DENND2C: variants seen among roughly 807,000 people sequenced by gnomAD.
The protein encoded by DENND2C is DENN domain containing 2C, also known as DENN domain-containing protein 2C.
DENND2C carries 72 observed loss-of-function variants against 112.4 expected under a neutral mutation model. The observed-to-expected ratio is 0.64, with a 90% CI of 0.53 to 0.78. The LOEUF (loss-of-function observed/expected upper bound fraction) is 0.78, where lower values mean the gene tolerates loss of function less well. Among genes scored for constraint, DENND2C ranks in the 30% least tolerant of loss-of-function variants. The pLI, the probability that DENND2C is intolerant of heterozygous loss-of-function variation, is 0.00. For synonymous variants in DENND2C, 329 were observed against 381.6 expected, an observed-to-expected ratio of 0.86 and a Z score of 1.61; for missense variants, 992 against 1,113.8, an observed-to-expected ratio of 0.89 and a Z score of 1.56.
Position 114,623,601 on chromosome 1 carries a change from C to A in DENND2C, c.849G>T (p.Arg283=). The part of the protein sequence containing the change: ...EFEDIQHFRN[R]NSQTIREELG... ...GTTCTTCACGAATCGTCTGTGAGTT[C>A]CGATTTCGAAAGTGCTGAATATCCT... Residue 283 remains arginine (R), a synonymous_variant, in exon 5 of 21, where the codon CGG becomes CGT. Coordinates refer to ENST00000393274, the MANE Select transcript of DENND2C (RefSeq NM_001256404.2). 1 of 1,606,752 alleles carries A rather than the reference C, an allele frequency of 6.2e-7. No homozygotes were observed. The highest frequency in any genetic ancestry group is 8.5e-7 in the Non-Finnish European group (1 of 1,176,548).
Position 114,623,519 on chromosome 1 carries a change from CATAG to C in DENND2C, c.927_930del (p.Ile309MetfsTer58). 2 of 1,604,466 alleles carry C rather than the reference CATAG, an allele frequency of 1.2e-6. No individual in the cohort carries two copies. The highest frequency in any genetic ancestry group is 2.3e-5 in the East Asian group (1 of 44,304). ...TGTCAACACCTACATATGATATCTT[CATAG>C]ATATTGTCCTCAGACTGTGTGTAAT... On this transcript the variant is annotated frameshift_variant, in exon 5 of 21. Transcript: ENST00000393274. LOFTEE classifies it high-confidence loss of function.
intron 8 of DENND2C, among the ~76,000 whole-genome samples, chr1:114,616,159 GCAGGTGGATCATTTGAGGT>G (rs1655964636): frequency 6.6e-6 from 1 of 151,946 alleles, no homozygotes. Context: ...GGAGGCCCAG[GCAGGTGGATCATTTGAGGT>G]CAGGAGTTCA....
intron 1 of DENND2C, among the ~76,000 whole-genome samples, chr1:114,655,154 A>G (rs528866755): frequency 6.6e-6 from 1 of 152,308 alleles, no homozygotes; most frequent in African/African-American, 2.4e-5. Context: ...ACAAGCAGGT[A>G]TTATTATCCT....
rs116527596 is a variant in DENND2C at position 114,602,012 on chromosome 1, C to T, written c.1737+113G>A. ...TAAAGCTAATACAGCTTCCTTAATA[C>T]ACAGATCATTGAGCATCCCTCAAAC... On this transcript the variant is annotated intron_variant, in intron 12 of 20. Transcript: ENST00000393274. 371 of 1,015,024 alleles carry T rather than the reference C, an allele frequency of 3.7e-4. 1 individual carries two copies. The African/African-American group carries it at 5.4e-3, about 15-fold the overall frequency. The allele number at this position is 1,015,024 out of a possible 1,614,324, so 62.9% of individuals were successfully genotyped here.
At chr1:114,651,308 C>CACACACACA (rs1553237779) in intron 2 of DENND2C, among the ~76,000 whole-genome samples, 2 of 150,864 alleles carry the variant, frequency 1.3e-5, no homozygotes, top group African/African-American at 2.4e-5. Flanking sequence ...CACACACACG[C>CACACACACA]CAAGTATGAA....
At chr1:114,650,508 CAAA>C (rs749266801) in intron 2 of DENND2C, among the ~76,000 whole-genome samples, 1 of 122,074 alleles carries the variant, frequency 8.2e-6, no homozygotes, top group Admixed American at 8.5e-5. Context: ...ACTAAAAATA[CAAA>C]AAAAAAAAAA....
chr1:114,617,992 T>A (rs1477344253), intron 8 of DENND2C, among the ~76,000 whole-genome samples: 1 of 48,402 alleles, frequency 2.1e-5, no homozygotes, highest in African/African-American at 8.9e-5. Flanking sequence ...TAAACCAAAT[T>A]TTTTTTTTTT....
At chr1:114,609,016 C>T in intron 9 of DENND2C, 143 bp from the exon 10 acceptor site, 1 of 916,964 alleles carries the variant, frequency 1.1e-6, no homozygotes, top group Non-Finnish European at 1.7e-6. Flanking sequence ...GCCACATAGA[C>T]ATACCTGTTA....
chr1:114,587,633 T>C, intron 19 of DENND2C, 83 bp downstream of exon 19: 1 of 1,441,754 alleles, frequency 6.9e-7, no homozygotes, highest in Non-Finnish European at 9.5e-7. Context: ...CTTGTCGCTT[T>C]ACAATACTTT....
At chr1:114,638,504 AT>A (rs1161192912) in intron 3 of DENND2C, among the ~76,000 whole-genome samples, 1 of 152,170 alleles carries the variant, frequency 6.6e-6, no homozygotes, top group Non-Finnish European at 1.5e-5. Context: ...CACACCTGTA[AT>A]CCCAGCACTT....
chr1:114,632,989 TA>T (rs766596646), intron 3 of DENND2C, among the ~76,000 whole-genome samples: 13 of 152,192 alleles, frequency 8.5e-5, no homozygotes, highest in South Asian at 8.3e-4. Context: ...ATACAAGGCA[TA>T]TTTTTTTATT....
intron 2 of DENND2C, among the ~76,000 whole-genome samples, chr1:114,651,541 C>T (rs1657166438): frequency 6.6e-6 from 1 of 152,068 alleles, no homozygotes; most frequent in Admixed American, 6.6e-5. Flanking sequence ...GAGTTCGAGA[C>T]CAGCCTGGCC....
chr1:114,593,437 T>A (rs1451621810), intron 18 of DENND2C, among the ~76,000 whole-genome samples: 1 of 152,222 alleles, frequency 6.6e-6, no homozygotes, highest in Non-Finnish European at 1.5e-5. Flanking sequence ...AAACTTCTAA[T>A]AGGTATCTCA....
At chr1:114,586,116 C>T (rs1369882093) in intron 20 of DENND2C, among the ~76,000 whole-genome samples, 6 of 152,134 alleles carry the variant, frequency 3.9e-5, no homozygotes, top group Non-Finnish European at 5.9e-5. Context: ...ATATAAATAT[C>T]GTAGCATATA....
In DENND2C at chr1:114,583,082, T is replaced by C. The variant is rs1373057910; in HGVS notation, c.*2518A>G. The C allele has an allele frequency of 4.6e-5, 7 of 152,184 alleles. No individual in the cohort carries two copies. 9.4% of individuals were successfully genotyped at this position (152,184 alleles called of 1,614,324 possible). A position where few individuals can be genotyped will look rare whatever the true frequency, so the allele number is the denominator to read the frequency against. On this transcript the variant is annotated 3_prime_UTR_variant, in exon 21 of 21. Coordinates refer to ENST00000393274, the MANE Select transcript of DENND2C (RefSeq NM_001256404.2). ...ACAGTAAACCCTTTTACCCCCATTTTATAAACATCCAATTATTAACTGTTC... is the reference window on the plus strand; with the variant it reads ...ACAGTAAACCCTTTTACCCCCATTTCATAAACATCCAATTATTAACTGTTC...
intron 20 of DENND2C, among the ~76,000 whole-genome samples, chr1:114,586,376 T>C (rs1655037065): frequency 6.6e-6 from 1 of 152,188 alleles, no homozygotes; most frequent in Non-Finnish European, 1.5e-5. Flanking sequence ...AAATACATTT[T>C]TCTGGGAAAA....
At chr1:114,604,002 GAATAAACATATATAA>G (rs1655589818) in intron 11 of DENND2C, among the ~76,000 whole-genome samples, 1 of 152,114 alleles carries the variant, frequency 6.6e-6, no homozygotes, top group Non-Finnish European at 1.5e-5. Context: ...AAATAGTCTA[GAATAAACATATATAA>G]CTTGTTGTGG....
intron 3 of DENND2C, among the ~76,000 whole-genome samples, chr1:114,644,717 G>T (rs773847214): frequency 1.2e-4 from 19 of 152,172 alleles, no homozygotes; most frequent in South Asian, 1.0e-3. Flanking sequence ...TTCTAGATGA[G>T]GAAACTGAGG....
rs780612754 is a variant in DENND2C at position 114,587,726 on chromosome 1, A to C, written c.2658T>G (p.Ser886Arg). 1.9e-6 allele frequency: 3 copies of C among 1,607,650 alleles called. No individual in the cohort carries two copies. The highest frequency in any genetic ancestry group is 2.7e-5 in the African/African-American group (2 of 74,672). ...TATAATGAAACTGACCTTTAACTCC[A>C]CTTTTCCGAAGCTCTCGGTCCTGGA... ...GFIQDRELRK[S>R]GVKGLFEIRA... Residue 886 changes from serine to arginine, a missense_variant, in exon 19 of 21, where the codon AGT (serine) becomes AGG (arginine). This residue lies in a region of DENND2C where 516 missense variants were observed against 623.6 expected (regional missense o/e 0.83). Transcript: ENST00000393274.
Sources: allele counts gnomAD v4.1 joint callset (sites outside exome capture counted in the v4.1 genomes callset), GRCh38; gene constraint gnomAD v4.1.1; regional missense constraint gnomAD v4.1.1; transcripts MANE v1.5; gene names NCBI Gene and HGNC (gene_info 2026-07-23, HGNC 2026-07-21).